Variants in SEMA5A observed in about 807,000 individuals in gnomAD.
SEMA5A encodes the protein semaphorin-5A.
Under a neutral mutation model 135.5 loss-of-function variants are expected in SEMA5A, and 55 were observed. The ratio of observed to expected loss-of-function variants is 0.41; its 90% CI spans 0.33 to 0.51. The LOEUF is 0.51. SEMA5A is among the 20% of genes least tolerant of loss of function. The pLI is 0.37. For missense variants in SEMA5A, 1,290 were observed against 1,419.9 expected, an observed-to-expected ratio of 0.91 and a Z score of 1.47; for synonymous variants, 580 against 546.5, an observed-to-expected ratio of 1.06 and a Z score of -0.85.
At chr5:9,533,703 A>G (rs944158941) in intron 1 of SEMA5A, among the ~76,000 whole-genome samples, 5 of 152,204 alleles carry the variant, frequency 3.3e-5, no homozygotes, top group East Asian at 1.9e-4. Context: ...CAAGTTTCCT[A>G]TGTGCCTCTA....
intron 16 of SEMA5A, among the ~76,000 whole-genome samples, chr5:9,080,552 A>AT (rs1468563353): frequency 6.6e-6 from 1 of 151,100 alleles, no homozygotes; most frequent in Admixed American, 6.6e-5. Flanking sequence ...AAAAAAAAAA[A>AT]ACTGAATGAA....
chr5:9,203,426 A>G (rs986388321), intron 8 of SEMA5A, among the ~76,000 whole-genome samples: 1 of 152,168 alleles, frequency 6.6e-6, no homozygotes, highest in Admixed American at 6.5e-5. Context: ...TACTGGCAGG[A>G]CAACTAAAAA....
intron 13 of SEMA5A, among the ~76,000 whole-genome samples, chr5:9,131,396 C>G (rs879873735): frequency 2.0e-5 from 3 of 151,994 alleles, no homozygotes; most frequent in East Asian, 1.9e-4. Flanking sequence ...ATCAAAAGGT[C>G]AGGAGATCGA....
rs75608613 is a variant in SEMA5A, at chr5:9,136,663, C to T, written c.1482-42G>A. 39 of 1,529,230 alleles carry T rather than the reference C, an allele frequency of 2.6e-5. No homozygotes were observed. The East Asian group carries it at 7.9e-4, about 31-fold the overall frequency. 94.7% of individuals were successfully genotyped at this position (1,529,230 alleles called of 1,614,324 possible). On this transcript the variant is annotated intron_variant, in intron 12 of 22. Coordinates refer to ENST00000382496, the MANE Select transcript of SEMA5A (RefSeq NM_003966.3). ...AATGGTCAACAGAAAGGTCGCTTTACCCATGATAAGATACACAAGACAAGG... is the reference window on the plus strand; with the variant it reads ...AATGGTCAACAGAAAGGTCGCTTTATCCATGATAAGATACACAAGACAAGG...
intron 1 of SEMA5A, among the ~76,000 whole-genome samples, chr5:9,493,884 T>C (rs1026692202): frequency 6.6e-6 from 1 of 152,210 alleles, no homozygotes; most frequent in Admixed American, 6.5e-5. Context: ...TAACAAAGTA[T>C]CTGTTTGAAT....
At chr5:9,197,027 AT>A in intron 10 of SEMA5A, 140 bp downstream of exon 10, 1 of 1,180,042 alleles carries the variant, frequency 8.5e-7, no homozygotes, top group Non-Finnish European at 1.2e-6. Flanking sequence ...CCAGCAGAGT[AT>A]GGGGCTGTCC....
In SEMA5A at chr5:9,384,611, G is replaced by GATAC. The variant is rs796874470; in HGVS notation, c.-77-4589_-77-4588insGTAT. ...AGATAGATAGATAGATAGATAGATA[G>GATAC]ATAGATACATAGATAGATAGATAGA... On this transcript the variant is annotated intron_variant, in intron 2 of 22. Coordinates refer to ENST00000382496, the MANE Select transcript of SEMA5A (RefSeq NM_003966.3). Among the ~76,000 whole-genome samples the GATAC allele has an allele frequency of 5.7e-3, 419 of 73,370 alleles. 8 individuals are homozygous for GATAC. The highest frequency in any genetic ancestry group is 0.016 in the South Asian group (32 of 1,948). The allele number at this position is 73,370 out of a possible 152,430, so 48.1% of individuals were successfully genotyped here. A position where few individuals can be genotyped will look rare whatever the true frequency, so the allele number is the denominator to read the frequency against.
chr5:9,455,230 A>T (rs376023196), intron 1 of SEMA5A, among the ~76,000 whole-genome samples: 88 of 151,242 alleles, frequency 5.8e-4, no homozygotes, highest in African/African-American at 1.5e-3. Context: ...TTGCAGTTTA[A>T]TTTATTTTAT....
chr5:9,287,320 T>C (rs1451284933), intron 5 of SEMA5A, among the ~76,000 whole-genome samples: 6 of 152,192 alleles, frequency 3.9e-5, no homozygotes, highest in African/African-American at 1.4e-4. Context: ...CAAATTCTAT[T>C]TTTAGACATC....
intron 16 of SEMA5A, among the ~76,000 whole-genome samples, chr5:9,092,765 GAAC>G (rs1739104287): frequency 6.6e-6 from 1 of 152,088 alleles, no homozygotes; most frequent in Non-Finnish European, 1.5e-5. Context: ...GAGTAGATAA[GAAC>G]AATATAATAC....
chr5:9,201,922 G>A lies in SEMA5A; in HGVS notation c.932+33C>T, dbSNP rs779472345. ...GAAGACTTATTCAGAATGAGTAAGA[G>A]AGAGGGGAGAAAAATTATTTCAAGT... is the stretch of plus-strand genomic sequence containing the variant. On this transcript the variant is annotated intron_variant, in intron 9 of 22. Transcript: ENST00000382496. 4.4e-6 allele frequency: 7 copies of A among 1,594,438 alleles called. No homozygotes were observed. The South Asian group carries it at 4.5e-5, about 10-fold the overall frequency.
intron 1 of SEMA5A, among the ~76,000 whole-genome samples, chr5:9,458,535 T>C (rs571511733): frequency 6.6e-6 from 1 of 152,292 alleles, no homozygotes; most frequent in African/African-American, 2.4e-5. Flanking sequence ...CACTCGCCCA[T>C]ACGCCACCCA....
At chr5:9,365,313 A>C (rs1388123963) in intron 3 of SEMA5A, among the ~76,000 whole-genome samples, 1 of 152,130 alleles carries the variant, frequency 6.6e-6, no homozygotes, top group Non-Finnish European at 1.5e-5. Context: ...AAGATAAATA[A>C]TATTTTAATA....
intron 1 of SEMA5A, among the ~76,000 whole-genome samples, chr5:9,504,814 G>A (rs578051372): frequency 2.0e-5 from 3 of 152,310 alleles, no homozygotes; most frequent in Admixed American, 6.5e-5. Context: ...CACTGCCAGC[G>A]GATTATACCC....
chr5:9,433,692 T>C (rs1757935297), intron 2 of SEMA5A, among the ~76,000 whole-genome samples: 1 of 146,986 alleles, frequency 6.8e-6, no homozygotes, highest in East Asian at 2.1e-4. Flanking sequence ...AGAAACACAA[T>C]GAGTAAAAAA....
intron 3 of SEMA5A, among the ~76,000 whole-genome samples, chr5:9,372,663 T>C (rs1052783789): frequency 3.0e-4 from 45 of 152,002 alleles, no homozygotes; most frequent in Non-Finnish European, 1.0e-4. Context: ...CATGGAGCCA[T>C]GAGACACACA....
intron 14 of SEMA5A, among the ~76,000 whole-genome samples, chr5:9,121,711 A>AAC (rs1553988224): frequency 2.0e-5 from 3 of 152,064 alleles, no homozygotes; most frequent in South Asian, 2.1e-4. Flanking sequence ...ACAAAAAAAA[A>AAC]CCCTAATCTC....
At chr5:9,155,220 C>T (rs1742888513) in intron 11 of SEMA5A, among the ~76,000 whole-genome samples, 1 of 152,150 alleles carries the variant, frequency 6.6e-6, no homozygotes, top group South Asian at 2.1e-4. Flanking sequence ...TCTACATTAG[C>T]TCCTTCTTTC....
intron 9 of SEMA5A, 73 bp from the exon 10 acceptor site, chr5:9,197,376 G>C: frequency 1.3e-6 from 2 of 1,546,328 alleles, no homozygotes; most frequent in South Asian, 2.4e-5. Flanking sequence ...CTATGGACTG[G>C]GCAGCAGCTG....
Sources: gnomAD v4.1 joint callset for allele counts (sites outside exome capture counted in the v4.1 genomes callset) on GRCh38, gnomAD v4.1.1 for gene constraint, MANE v1.5 for transcripts, NCBI Gene and HGNC (gene_info 2026-07-23, HGNC 2026-07-21) for gene names.